The following ANO1 variants were observed in gnomAD, a reference collection of about 807,000 sequenced individuals.
The protein encoded by ANO1 is anoctamin-1.
In ANO1, 59 loss-of-function variants were observed where a neutral mutation model predicts 124.0. That is an observed-to-expected ratio of 0.48 (90% CI 0.39 to 0.59). The LOEUF (loss-of-function observed/expected upper bound fraction) is 0.59, where lower values mean the gene tolerates loss of function less well. Among genes scored for constraint, ANO1 ranks in the 20% least tolerant of loss-of-function variants. The probability of loss-of-function intolerance (pLI) is 0.00; values close to 1 mark genes in which losing one functional copy is unlikely to be tolerated. For missense variants in ANO1, 1,059 were observed against 1,328.0 expected (o/e 0.80, Z 3.15); for synonymous variants, 529 against 532.0 (o/e 0.99, Z 0.08).
intron 3 of ANO1, 84 bp from the exon 4 acceptor site, chr11:70,103,915 G>A: frequency 2.0e-6 from 3 of 1,473,374 alleles, no homozygotes; most frequent in Non-Finnish European, 2.7e-6. Flanking sequence ...GGGTGGGATG[G>A]TTCTCTGACC....
intron 1 of ANO1, among the ~76,000 whole-genome samples, chr11:70,057,434 T>TTGTGTGTGTGTG (rs142366013): frequency 8.7e-5 from 13 of 149,922 alleles, no homozygotes; most frequent in South Asian, 4.2e-4. Flanking sequence ...AACTCCAATT[T>TTGTGTGTGTGTG]TGTGTGTGTG....
intron 1 of ANO1, among the ~76,000 whole-genome samples, chr11:70,007,519 G>A (rs1022125592): frequency 6.6e-6 from 1 of 151,946 alleles, no homozygotes; most frequent in African/African-American, 2.4e-5. Flanking sequence ...CTCGTGATCC[G>A]CCGGCCCATC....
At chr11:70,179,562 G>T (rs2048858647) in intron 22 of ANO1, among the ~76,000 whole-genome samples, 1 of 152,224 alleles carries the variant, frequency 6.6e-6, no homozygotes, top group African/African-American at 2.4e-5. Context: ...AGTGCCTCCA[G>T]CCAGGGGCCC....
At chr11:70,078,753 G>C in intron 1 of ANO1, 39 bp downstream of exon 1, 2 of 1,350,676 alleles carry the variant, frequency 1.5e-6, no homozygotes, top group South Asian at 2.9e-5. Context: ...GGAGGGCCGC[G>C]CACCTGCGCC....
chr11:69,976,207 G>T, the ANO1 span, among the ~76,000 whole-genome samples: 1 of 152,096 alleles, frequency 6.6e-6, no homozygotes, highest in Non-Finnish European at 1.5e-5. Flanking sequence ...TGTTAGGTGG[G>T]TTCTAATTCA....
At position 70,124,433 on chromosome 11, in the gene ANO1, C is replaced by G; in HGVS notation, c.962+19C>G. The stretch of plus-strand genomic sequence containing the variant: ...TGGTCAGGTAAGAACGCGCCACAGC[C>G]TGCGGGAATCAAGTCCCTACTCCGA... On this transcript the variant is annotated intron_variant, in intron 9 of 25. Coordinates refer to ENST00000355303, the MANE Select transcript of ANO1 (RefSeq NM_018043.7). 1.9e-6 allele frequency: 3 copies of G among 1,612,928 alleles called. No homozygotes were observed. The highest frequency in any genetic ancestry group is 2.5e-6 in the Non-Finnish European group (3 of 1,179,236).
chr11:70,024,363 T>A (rs1473000388), intron 1 of ANO1, among the ~76,000 whole-genome samples: 1 of 152,162 alleles, frequency 6.6e-6, no homozygotes, highest in Non-Finnish European at 1.5e-5. Context: ...GGGGCAGTGG[T>A]GTTTCCTTAA....
chr11:70,133,482 G>T (rs980976682), intron 11 of ANO1, among the ~76,000 whole-genome samples: 1 of 152,178 alleles, frequency 6.6e-6, no homozygotes, highest in African/African-American at 2.4e-5. Context: ...CGGGTCTCTG[G>T]CCTGCACAGA....
intron 2 of ANO1, among the ~76,000 whole-genome samples, chr11:70,091,326 C>T (rs1338525349): frequency 6.6e-6 from 1 of 152,188 alleles, no homozygotes; most frequent in Non-Finnish European, 1.5e-5. Context: ...TGTGAGCTTT[C>T]CTGGGGAGAA....
At chr11:70,123,153 C>T (rs892108178) in intron 8 of ANO1, among the ~76,000 whole-genome samples, 2 of 151,910 alleles carry the variant, frequency 1.3e-5, no homozygotes, top group East Asian at 1.9e-4. Context: ...ACTCTCGATT[C>T]GGGGGTGGGG....
intron 1 of ANO1, among the ~76,000 whole-genome samples, chr11:70,040,485 T>A (rs1555004919): frequency 6.6e-6 from 1 of 152,206 alleles, no homozygotes; most frequent in Non-Finnish European, 1.5e-5. Context: ...GAGAGTGGCC[T>A]GGCCAACATA....
chr11:70,125,195 T>C (rs1338782468), intron 9 of ANO1, among the ~76,000 whole-genome samples: 1 of 151,982 alleles, frequency 6.6e-6, no homozygotes, highest in African/African-American at 2.4e-5. Context: ...ATACAAAAGT[T>C]AGCTGGCAGT....
intron 1 of ANO1, among the ~76,000 whole-genome samples, chr11:70,050,996 A>G (rs548996472): frequency 6.6e-6 from 1 of 152,346 alleles, no homozygotes; most frequent in African/African-American, 2.4e-5. Context: ...CCATTGCCAT[A>G]TGCACTTTTT....
intron 22 of ANO1, among the ~76,000 whole-genome samples, chr11:70,175,581 T>C (rs10160730): frequency 0.76 from 116,007 of 152,190 alleles, 44,317 homozygotes; most frequent in East Asian, 0.84. Context: ...TCCAGGTCCC[T>C]AGCCCTGGTT....
intron 25 of ANO1, among the ~76,000 whole-genome samples, chr11:70,186,722 G>A (rs7930377): frequency 0.16 from 23,841 of 152,162 alleles, 1,995 homozygotes; most frequent in South Asian, 0.24. Context: ...CTCTAGTCTC[G>A]ATTAAGTCGA....
intron 1 of ANO1, among the ~76,000 whole-genome samples, chr11:70,004,911 G>A (rs972885669): frequency 5.9e-5 from 9 of 152,224 alleles, no homozygotes; most frequent in Middle Eastern, 3.4e-3. Context: ...TCAGGAGTTC[G>A]AGACCAGCCT....
At chr11:70,073,254 C>T (rs2044005171) in intron 1 of ANO1, among the ~76,000 whole-genome samples, 1 of 152,142 alleles carries the variant, frequency 6.6e-6, no homozygotes, top group Non-Finnish European at 1.5e-5. Context: ...CCAATGCACC[C>T]ACCATCCTGG....
chr11:70,155,248 G>A (rs566677154), intron 14 of ANO1, among the ~76,000 whole-genome samples: 15 of 152,372 alleles, frequency 9.8e-5, no homozygotes, highest in South Asian at 2.1e-4. Flanking sequence ...AACAGGTGCC[G>A]GAAGGAAGCC....
At chr11:70,057,451 T>TGTGTGC (rs1857465656) in intron 1 of ANO1, among the ~76,000 whole-genome samples, 1 of 151,938 alleles carries the variant, frequency 6.6e-6, no homozygotes, top group South Asian at 2.1e-4. Context: ...TGTGTGTGTG[T>TGTGTGC]GTGTGTGATG....
Sources: allele counts gnomAD v4.1 joint callset (sites outside exome capture counted in the v4.1 genomes callset), GRCh38; gene constraint gnomAD v4.1.1; transcripts MANE v1.5; gene names NCBI Gene and HGNC (gene_info 2026-07-23, HGNC 2026-07-21).